Variants in KIF21B observed in about 807,000 individuals in gnomAD.
KIF21B encodes kinesin-like protein KIF21B.
In KIF21B, 85 loss-of-function variants were observed where a neutral mutation model predicts 192.9. That is an observed-to-expected ratio of 0.44 (90% CI 0.37 to 0.53). The LOEUF is 0.53. Ranked by LOEUF, KIF21B falls within the 20% of genes least tolerant of loss-of-function variation. KIF21B has a pLI of 0.00. For missense variants in KIF21B, 1,716 were observed against 2,194.8 expected, an observed-to-expected ratio of 0.78 and a Z score of 4.36; for synonymous variants, 832 against 884.6, an observed-to-expected ratio of 0.94 and a Z score of 1.05.
intron 1 of KIF21B, among the ~76,000 whole-genome samples, chr1:201,010,740 A>G (rs890120693): frequency 1.3e-5 from 2 of 152,236 alleles, no homozygotes; most frequent in Non-Finnish European, 1.5e-5. Flanking sequence ...GCCTGGTCAC[A>G]GAGTCTAGGG....
At position 201,000,636 on chromosome 1, in the gene KIF21B, C is replaced by T; in HGVS notation, c.1467-28G>A. 1.9e-6 allele frequency: 3 copies of T among 1,613,146 alleles called. No homozygotes were observed. The highest frequency in any genetic ancestry group is 1.3e-5 in the African/African-American group (1 of 75,042). The stretch of plus-strand genomic sequence containing the variant: ...GCACAGGAAGAACGAGTGGACGGGG[C>T]CGAGTGAGCTGCCACAGCCCTTGGC... On this transcript the variant is annotated intron_variant, in intron 10 of 34. Transcript: ENST00000461742. The surrounding 1 kb of genome is among the most constrained non-coding windows in gnomAD (Gnocchi z 6.0).
At chr1:201,007,215 G>C (rs111205704) in intron 3 of KIF21B, among the ~76,000 whole-genome samples, 309 of 24,902 alleles carry the variant, frequency 0.012, no homozygotes, top group Middle Eastern at 0.033. Context: ...CACACACACA[G>C]AGACAGACAC....
chr1:200,999,422 C>T lies in KIF21B; in HGVS notation c.1812G>A (p.Gly604=), dbSNP rs1657316261. Residue 604 remains glycine (G), a synonymous_variant, in exon 13 of 35, where the codon GGG becomes GGA. Transcript: ENST00000461742. The surrounding 1 kb of genome is among the most constrained non-coding windows in gnomAD (Gnocchi z 4.7). Reference sequence around the variant, plus strand: ...CCGAGTCCTCATCTTCATCCTCGCGCCCTTCCTCCTCCTCACAGCCACTCT... The same window carrying T: ...CCGAGTCCTCATCTTCATCCTCGCGTCCTTCCTCCTCCTCACAGCCACTCT... The part of the protein sequence containing the change: ...RDESGCEEEE[G]REDEDEDSGS... 1.2e-6 allele frequency: 2 copies of T among 1,614,032 alleles called. No homozygotes were observed. Among genetic ancestry groups the T allele is most frequent in the Non-Finnish European group, 1.7e-6 (2 of 1,180,010 alleles).
Position 200,979,534 on chromosome 1 carries a change from C to T in KIF21B, c.4160+1G>A, listed in dbSNP as rs202013546. On this transcript the variant is annotated splice_donor_variant, in intron 30 of 34. Coordinates refer to ENST00000461742, the MANE Select transcript of KIF21B (RefSeq NM_001252102.2). LOFTEE classifies it high-confidence loss of function. ...CTGTGAGGCAGGCGGGGGTTACTCA[C>T]GTGAGAGTCCGAATGCACTTGGCTG... The T allele has an allele frequency of 2.0e-6, 3 of 1,536,932 alleles. No homozygotes were observed. The highest frequency in any genetic ancestry group is 1.4e-5 in the African/African-American group (1 of 71,878).
At chr1:200,986,660 T>C (rs1000153475) in intron 26 of KIF21B, among the ~76,000 whole-genome samples, 184 bp downstream of exon 26, 3 of 152,148 alleles carry the variant, frequency 2.0e-5, no homozygotes, top group Non-Finnish European at 4.4e-5. Flanking sequence ...GCCTGGCCCA[T>C]TTCTTCAGTC....
intron 29 of KIF21B, 35 bp from the exon 30 acceptor site, chr1:200,979,750 G>T: frequency 2.7e-6 from 4 of 1,481,498 alleles, no homozygotes; most frequent in Non-Finnish European, 3.6e-6. Context: ...AGGGAGGGGA[G>T]GGATGTCAGC....
At position 200,979,601 on chromosome 1, in the gene KIF21B, G is replaced by C; in HGVS notation, c.4094C>G (p.Ser1365Cys). ...CACCTTGATGTAGGAGGTGGACACG[G>C]AGAACACAAGCCCCGAGTGGCTGCA... The part of the protein sequence containing the change: ...KYCSHSGLVF[S>C]VSTSYIKVWD... Residue 1365 changes from serine (S) to cysteine (C), a missense_variant, in exon 30 of 35, where the codon TCC (serine) becomes TGC (cysteine). Ser to Cys is a moderately radical substitution (Grantham distance 112). Around this residue, in one of 3 missense-constraint regions of KIF21B, gnomAD observed 580 missense variants for 775.5 expected, o/e 0.75. Transcript: ENST00000461742. 2 of 1,592,460 alleles carry C rather than the reference G, an allele frequency of 1.3e-6. No individual in the cohort carries two copies. Among genetic ancestry groups the C allele is most frequent in the Non-Finnish European group, 1.7e-6 (2 of 1,169,800 alleles).
chr1:201,002,400 G>A (rs41269929), intron 8 of KIF21B, 50 bp from the exon 9 acceptor site: 26 of 1,552,172 alleles, frequency 1.7e-5, no homozygotes, highest in Admixed American at 5.0e-5. Context: ...CTCGCGGTTG[G>A]GGGGGTAAGG....
rs749553311 is a variant in KIF21B, at chr1:201,004,889, C to A, written c.777G>T (p.Ser259=). Residue 259 remains serine, a synonymous_variant, in exon 6 of 35, where the codon TCG becomes TCT. Coordinates refer to ENST00000461742, the MANE Select transcript of KIF21B (RefSeq NM_001252102.2). ...VTGLPDGTPP[S]SEYETLTAKF... The stretch of plus-strand genomic sequence containing the variant: ...TAGCAGTGAGTGTCTCATACTCACT[C>A]GAGGGAGGTGTACCATCAGGAAGCC... 3.7e-6 allele frequency: 6 copies of A among 1,613,218 alleles called. No homozygotes were observed. The African/African-American group carries it at 6.7e-5, about 18-fold the overall frequency.
intron 33 of KIF21B, 74 bp from the exon 34 acceptor site, chr1:200,974,987 C>G (rs571907855): frequency 6.8e-7 from 1 of 1,472,196 alleles, no homozygotes; most frequent in African/African-American, 1.4e-5. Flanking sequence ...GCCCCTCTTG[C>G]TAGTAGTGGA....
intron 1 of KIF21B, among the ~76,000 whole-genome samples, chr1:201,022,139 AGGCCTGGCCAGGT>A (rs1333770843): frequency 6.6e-6 from 1 of 152,210 alleles, no homozygotes; most frequent in Non-Finnish European, 1.5e-5. Flanking sequence ...TGGGCTGCAG[AGGCCTGGCCAGGT>A]GGCCGTGGCA....
In KIF21B at chr1:200,972,315, G is replaced by A. The variant is rs1655257757; in HGVS notation, c.*1206C>T. On this transcript the variant is annotated 3_prime_UTR_variant, in exon 35 of 35. Transcript: ENST00000461742. ...AATAACCAGAGAGAGAGAAGCTGGA[G>A]AGACTCCCCGGCCCAGTGGGGGACT... 1 of 152,254 alleles carries A rather than the reference G, an allele frequency of 6.6e-6. No homozygotes were observed. Among genetic ancestry groups the A allele is most frequent in the Non-Finnish European group, 1.5e-5 (1 of 68,014 alleles). The allele number at this position is 152,254 out of a possible 1,614,324, so 9.4% of individuals were successfully genotyped here.
In KIF21B at chr1:200,999,884, T is replaced by C. The variant is rs757523345; in HGVS notation, c.1766A>G (p.Glu589Gly). The C allele has an allele frequency of 1.9e-6, 3 of 1,613,496 alleles. No individual in the cohort carries two copies. The highest frequency in any genetic ancestry group is 1.3e-5 in the African/African-American group (1 of 74,894). Reference sequence around the variant, plus strand: ...GGTGGGGCGGCCCGTGCTCCTCACCTCCTCCGCCTCGTTCTCATCCGTCTC... The same window carrying C: ...GGTGGGGCGGCCCGTGCTCCTCACCCCCTCCGCCTCGTTCTCATCCGTCTC... The part of the protein sequence containing the change: ...SEETDENEAE[E>G]EEEERDESGC... The change falls in exon 12 of 35, where the codon GAG (glutamate) becomes GGG (glycine). Residue 589 changes from glutamate (E) to glycine (G), a missense_variant and splice_region_variant. Glu to Gly is a moderately conservative substitution (Grantham distance 98). This residue lies in a region of KIF21B where 1,087 missense variants were observed against 1,316.6 expected (regional missense o/e 0.83). Coordinates refer to ENST00000461742, the MANE Select transcript of KIF21B (RefSeq NM_001252102.2). This position sits in a 1 kb window ranked among gnomAD's most constrained non-coding sequence, Gnocchi z 4.7.
Position 201,000,485 on chromosome 1 carries a change from A to G in KIF21B, c.1590T>C (p.Pro530=). Residue 530 remains proline, a synonymous_variant, in exon 11 of 35, where the codon CCT becomes CCC. Transcript: ENST00000461742. The surrounding 1 kb of genome is among the most constrained non-coding windows in gnomAD (Gnocchi z 6.0). ...CCGAGGCATCCTCCATGGAGCTGGC[A>G]GGGCTGCCCCCGAAGGCCGGGGCGG... The part of the protein sequence containing the change: ...SPAAPAFGGS[P]ASSMEDASEV... 6.2e-7 allele frequency: 1 copy of G among 1,607,200 alleles called. No individual in the cohort carries two copies.
At chr1:201,011,805 G>A (rs1038766654) in intron 1 of KIF21B, among the ~76,000 whole-genome samples, 1 of 152,252 alleles carries the variant, frequency 6.6e-6, no homozygotes, top group Non-Finnish European at 1.5e-5. Context: ...GTGGCTGCCT[G>A]AAGTGGGATT....
chr1:200,991,758 C>T (rs12123633), intron 16 of KIF21B, 33 bp from the exon 17 acceptor site: 311,299 of 1,607,976 alleles, frequency 0.19, 33,346 homozygotes, highest in African/African-American at 0.43. Flanking sequence ...GGGCTCCACA[C>T]TCAGGCACCT....
chr1:201,014,536 C>G (rs997095587), intron 1 of KIF21B, among the ~76,000 whole-genome samples: 1 of 152,200 alleles, frequency 6.6e-6, no homozygotes, highest in Non-Finnish European at 1.5e-5. Context: ...GTGCTGGGAG[C>G]CCGCACCCTC....
chr1:200,986,731 C>G, intron 26 of KIF21B, 113 bp downstream of exon 26: 1 of 946,132 alleles, frequency 1.1e-6, no homozygotes, highest in Non-Finnish European at 1.6e-6. Flanking sequence ...GTCAAGCTGG[C>G]CCAGGTTACA....
rs764651949 is a variant in KIF21B at position 201,009,377 on chromosome 1, G to A, written c.153C>T (p.Asp51=). The change falls in exon 2 of 35, where the codon GAC becomes GAT. Residue 51 remains aspartate, a synonymous_variant. Transcript: ENST00000461742. ...GCCAGGTGTCCAGGTCGAAGACAAA[G>A]TCATAGGTGAAGGCCTTGTCCTTCC... ...LLGKDKAFTY[D]FVFDLDTWQE... 1.2e-6 allele frequency: 2 copies of A among 1,614,264 alleles called. No homozygotes were observed. Among genetic ancestry groups the A allele is most frequent in the Non-Finnish European group, 1.7e-6 (2 of 1,180,034 alleles).
Sources: gnomAD v4.1 joint callset for allele counts (sites outside exome capture counted in the v4.1 genomes callset) on GRCh38, gnomAD v4.1.1 for gene constraint, gnomAD v4.1.1 regional missense constraint, Gnocchi (gnomAD v3.1) non-coding constraint, MANE v1.5 for transcripts, NCBI Gene and HGNC (gene_info 2026-07-23, HGNC 2026-07-21) for gene names.